The following ZNF148 variants were observed in gnomAD, a reference collection of about 807,000 sequenced individuals.
ZNF148 encodes zinc finger protein 148, also known as Beta-Enolase Repressor Factor-1.
Under a neutral mutation model 67.7 loss-of-function variants are expected in ZNF148, and 7 were observed. The ratio of observed to expected loss-of-function variants is 0.10; its 90% confidence interval spans 0.06 to 0.19. The LOEUF (loss-of-function observed/expected upper bound fraction) is 0.19, where lower values mean the gene tolerates loss of function less well. Among genes scored for constraint, ZNF148 ranks in the 10% least tolerant of loss-of-function variants. ZNF148 has a pLI of 1.00. For missense variants in ZNF148, 583 were observed against 947.1 expected (o/e 0.62, Z 5.05); for synonymous variants, 333 against 330.7 (o/e 1.01, Z -0.08).
chr3:125,271,693 T>G (rs892437601), intron 7 of ZNF148, among the ~76,000 whole-genome samples: 1 of 152,224 alleles, frequency 6.6e-6, no homozygotes, highest in Non-Finnish European at 1.5e-5. Context: ...AGATAATTTA[T>G]GTATTGGGTT....
chr3:125,310,202 C>T (rs1940125355), intron 4 of ZNF148, among the ~76,000 whole-genome samples: 1 of 151,772 alleles, frequency 6.6e-6, no homozygotes, highest in Non-Finnish European at 1.5e-5. Flanking sequence ...GCCTCAGCCT[C>T]CCACATAGCT....
At chr3:125,317,338 T>C (rs1940548152) in intron 3 of ZNF148, among the ~76,000 whole-genome samples, 1 of 152,092 alleles carries the variant, frequency 6.6e-6, no homozygotes, top group Non-Finnish European at 1.5e-5. Flanking sequence ...AAATGAAAAC[T>C]GTATGTACTC....
chr3:125,269,815 C>T lies in ZNF148; in HGVS notation c.667+7911G>A, dbSNP rs562195320. On this transcript the variant is annotated intron_variant, in intron 7 of 8. Coordinates refer to ENST00000360647, the MANE Select transcript of ZNF148 (RefSeq NM_021964.3). ...CATGTCTTTTGCAGAAACATGGATG[C>T]AGCTGGAGTCAATCACCCTAAGTGA... is the stretch of plus-strand genomic sequence containing the variant. 2.1e-4 allele frequency among the ~76,000 whole-genome samples: 32 copies of T among 152,242 alleles called. No homozygotes were observed. In the South Asian group the frequency reaches 6.4e-3, roughly 31 times the overall value.
intron 4 of ZNF148, among the ~76,000 whole-genome samples, chr3:125,309,311 A>G (rs1056534324): frequency 6.6e-6 from 1 of 152,222 alleles, no homozygotes; most frequent in Non-Finnish European, 1.5e-5. Flanking sequence ...AGAACACAAA[A>G]TTTAAAGGCA....
chr3:125,240,765 CAAAA>C (rs200238945), intron 7 of ZNF148, among the ~76,000 whole-genome samples: 1 of 84,102 alleles, frequency 1.2e-5, no homozygotes, highest in Non-Finnish European at 2.4e-5. Context: ...ATCCTGTCTG[CAAAA>C]AAAAAAAAAA....
chr3:125,247,821 T>C (rs1290421091), intron 7 of ZNF148, among the ~76,000 whole-genome samples: 1 of 152,156 alleles, frequency 6.6e-6, no homozygotes, highest in Non-Finnish European at 1.5e-5. Context: ...ACTGATCAAT[T>C]ACCTCTAGTA....
chr3:125,260,767 A>T (rs533820651), intron 7 of ZNF148, among the ~76,000 whole-genome samples: 4 of 152,342 alleles, frequency 2.6e-5, no homozygotes, highest in African/African-American at 7.2e-5. Flanking sequence ...ACATTAAAAG[A>T]AGTCTGAGGT....
At chr3:125,338,489 G>C (rs964403228) in intron 1 of ZNF148, among the ~76,000 whole-genome samples, 1 of 151,440 alleles carries the variant, frequency 6.6e-6, no homozygotes, top group Non-Finnish European at 1.5e-5. Flanking sequence ...TCAAAAACAT[G>C]TTAAAATACT....
At chr3:125,243,938 T>C (rs778478472) in intron 7 of ZNF148, among the ~76,000 whole-genome samples, 5 of 152,240 alleles carry the variant, frequency 3.3e-5, no homozygotes, top group Non-Finnish European at 4.4e-5. Context: ...TTATCATTTT[T>C]CCCCTTGAGG....
intron 7 of ZNF148, among the ~76,000 whole-genome samples, chr3:125,247,771 G>A (rs1579611907): frequency 6.6e-6 from 1 of 152,176 alleles, no homozygotes; most frequent in African/African-American, 2.4e-5. Context: ...CCACAGATTA[G>A]GTTTTAAACT....
At chr3:125,350,366 T>G (rs972011810) in intron 1 of ZNF148, among the ~76,000 whole-genome samples, 13 of 152,190 alleles carry the variant, frequency 8.5e-5, no homozygotes, top group African/African-American at 3.1e-4. Flanking sequence ...GGTTTCACCA[T>G]GTTGGCCAGG....
At position 125,282,906 on chromosome 3, in the gene ZNF148, C is replaced by A. The variant is rs143466550; in HGVS notation, c.460-3659G>T. 3.2e-3 allele frequency among the ~76,000 whole-genome samples: 492 copies of A among 152,244 alleles called. 5 individuals are homozygous for A. The highest frequency in any genetic ancestry group is 0.011 in the African/African-American group (473 of 41,562). Reference sequence around the variant, plus strand: ...TTCTTAAAAGGCAGACATGATTTTTCACATTCAAATGTGTACTACTAAAAT... The same window carrying A: ...TTCTTAAAAGGCAGACATGATTTTTAACATTCAAATGTGTACTACTAAAAT... On this transcript the variant is annotated intron_variant, in intron 5 of 8. Transcript: ENST00000360647.
chr3:125,360,370 TG>T (rs1418541843), intron 1 of ZNF148, among the ~76,000 whole-genome samples: 2 of 152,080 alleles, frequency 1.3e-5, no homozygotes, highest in African/African-American at 2.4e-5. Context: ...ACTGCAGCCT[TG>T]ACTTCCAGGG....
intron 4 of ZNF148, among the ~76,000 whole-genome samples, chr3:125,307,889 C>T (rs1298860121): frequency 1.3e-5 from 2 of 149,816 alleles, no homozygotes; most frequent in Non-Finnish European, 3.0e-5. Context: ...TTAACTCAAG[C>T]AATCCCTTGC....
chr3:125,297,180 A>G (rs1939330500), intron 4 of ZNF148, among the ~76,000 whole-genome samples: 2 of 152,124 alleles, frequency 1.3e-5, no homozygotes, highest in South Asian at 4.1e-4. Context: ...AAACTGAAAC[A>G]CTAACCCAGC....
intron 3 of ZNF148, 101 bp from the exon 4 acceptor site, chr3:125,313,757 A>G: frequency 3.2e-6 from 3 of 950,506 alleles, no homozygotes; most frequent in Non-Finnish European, 4.6e-6. Context: ...AAATACAAAG[A>G]TTTTATTGAT....
chr3:125,262,095 T>C (rs1474134853), intron 7 of ZNF148, among the ~76,000 whole-genome samples: 3 of 152,192 alleles, frequency 2.0e-5, no homozygotes, highest in African/African-American at 4.8e-5. Flanking sequence ...TAAATGTATG[T>C]TAATGCTGAT....
chr3:125,283,830 A>T (rs1938519348), intron 5 of ZNF148, among the ~76,000 whole-genome samples: 1 of 152,180 alleles, frequency 6.6e-6, no homozygotes, highest in South Asian at 2.1e-4. Context: ...GGAACCAACA[A>T]TATATAATAA....
chr3:125,364,696 G>C (rs1163887288), intron 1 of ZNF148, among the ~76,000 whole-genome samples: 1 of 152,152 alleles, frequency 6.6e-6, no homozygotes, highest in Non-Finnish European at 1.5e-5. Context: ...TGGCACATGA[G>C]GCATCCTTCT....
Sources: gnomAD v4.1 joint callset for allele counts (sites outside exome capture counted in the v4.1 genomes callset) on GRCh38, gnomAD v4.1.1 for gene constraint, MANE v1.5 for transcripts, NCBI Gene and HGNC (gene_info 2026-07-23, HGNC 2026-07-21) for gene names.